The following MYRIP variants were observed in gnomAD, a reference collection of about 807,000 sequenced individuals.
The protein encoded by MYRIP is rab effector MyRIP.
Under a neutral mutation model 98.0 loss-of-function variants are expected in MYRIP, and 49 were observed. The ratio of observed to expected loss-of-function variants is 0.50; its 90% CI spans 0.40 to 0.63. MYRIP has a LOEUF of 0.63. Among genes scored for constraint, MYRIP ranks in the 30% least tolerant of loss-of-function variants. MYRIP has a pLI of 0.00. For synonymous variants in MYRIP, 404 were observed against 409.5 expected (o/e 0.99, Z 0.16); for missense variants, 1,004 against 1,058.2 (o/e 0.95, Z 0.71).
At chr3:40,111,357 C>T (rs1575545900) in intron 3 of MYRIP, among the ~76,000 whole-genome samples, 1 of 152,122 alleles carries the variant, frequency 6.6e-6, no homozygotes, top group Non-Finnish European at 1.5e-5. Flanking sequence ...GCTTGAAAAC[C>T]GTTTAGAATG....
intron 11 of MYRIP, among the ~76,000 whole-genome samples, chr3:40,228,365 G>A (rs541251284): frequency 3.3e-5 from 5 of 152,218 alleles, no homozygotes; most frequent in South Asian, 2.1e-4. Context: ...ACATGTTCCT[G>A]GTGCAAAGAT....
chr3:39,844,887 C>G (rs1164480344), intron 1 of MYRIP, among the ~76,000 whole-genome samples: 1 of 152,170 alleles, frequency 6.6e-6, no homozygotes, highest in Non-Finnish European at 1.5e-5. Context: ...GACAGAGCAG[C>G]TTATGCCTCA....
At chr3:39,986,257 G>A (rs1184237161) in intron 2 of MYRIP, among the ~76,000 whole-genome samples, 1 of 152,048 alleles carries the variant, frequency 6.6e-6, no homozygotes, top group Non-Finnish European at 1.5e-5. Flanking sequence ...GTCCCCAAAG[G>A]GCCAGCCTCA....
chr3:39,878,611 T>G (rs777742156), intron 1 of MYRIP, among the ~76,000 whole-genome samples: 1 of 152,112 alleles, frequency 6.6e-6, no homozygotes, highest in Non-Finnish European at 1.5e-5. Context: ...TGTATAGACA[T>G]GTACATATAT....
intron 10 of MYRIP, among the ~76,000 whole-genome samples, chr3:40,205,621 T>A (rs903256459): frequency 6.6e-6 from 1 of 152,162 alleles, no homozygotes. Context: ...AGTTTGCCCA[T>A]AAGGAATTTC....
chr3:39,988,964 G>A (rs891356431), intron 2 of MYRIP, among the ~76,000 whole-genome samples: 1 of 151,676 alleles, frequency 6.6e-6, no homozygotes, highest in Non-Finnish European at 1.5e-5. Flanking sequence ...GAACATGCTC[G>A]GTTAGCTCAG....
intron 2 of MYRIP, among the ~76,000 whole-genome samples, chr3:40,000,129 A>G (rs1946480822): frequency 6.6e-6 from 1 of 152,176 alleles, no homozygotes; most frequent in South Asian, 2.1e-4. Flanking sequence ...ATACCTATGT[A>G]ACAAACCTGC....
intron 3 of MYRIP, among the ~76,000 whole-genome samples, chr3:40,148,491 A>T (rs1003999048): frequency 6.6e-6 from 1 of 151,762 alleles, no homozygotes; most frequent in African/African-American, 2.4e-5. Flanking sequence ...TTGCCTTCTT[A>T]TTGTACATTC....
chr3:39,823,782 T>C (rs1003610427), intron 1 of MYRIP, among the ~76,000 whole-genome samples: 1 of 152,182 alleles, frequency 6.6e-6, no homozygotes, highest in African/African-American at 2.4e-5. Flanking sequence ...AAATATTTTT[T>C]TCTCATTCTG....
intron 3 of MYRIP, among the ~76,000 whole-genome samples, chr3:40,133,749 A>C (rs1304441751): frequency 1.3e-5 from 2 of 152,156 alleles, no homozygotes; most frequent in Admixed American, 1.3e-4. Flanking sequence ...GGGGGAAAAA[A>C]TGTATGTTTT....
intron 2 of MYRIP, among the ~76,000 whole-genome samples, chr3:40,036,324 A>AAAAAAAC (rs1553607293): frequency 0.03 from 3,675 of 124,354 alleles, 174 homozygotes; most frequent in Non-Finnish European, 0.039. Flanking sequence ...AAAAAAAAAA[A>AAAAAAAC]CTTTATTCAA....
Position 40,181,093 on chromosome 3 carries a change from T to A in MYRIP, c.874-1127T>A, listed in dbSNP as rs907056881. ...CATTTTTGCTGTCTTTCTTTCTTTG[T>A]TATTCTCTCATACCTTTTTTTTTTA... is the stretch of plus-strand genomic sequence containing the variant. On this transcript the variant is annotated intron_variant, in intron 8 of 16. Transcript: ENST00000302541. Among the ~76,000 whole-genome samples the A allele has an allele frequency of 2.6e-5, 4 of 152,328 alleles. No homozygotes were observed. In the East Asian group the frequency reaches 5.8e-4, roughly 22 times the overall value.
At chr3:40,089,345 C>G (rs1031072321) in intron 3 of MYRIP, among the ~76,000 whole-genome samples, 6 of 152,194 alleles carry the variant, frequency 3.9e-5, no homozygotes, top group Non-Finnish European at 8.8e-5. Context: ...TTTAAACTTT[C>G]AACTATCCAT....
intron 16 of MYRIP, among the ~76,000 whole-genome samples, chr3:40,254,456 ACAAT>A (rs1953504275): frequency 3.6e-5 from 5 of 139,746 alleles, no homozygotes; most frequent in African/African-American, 1.1e-4. Flanking sequence ...GGGCAGGAGA[ACAAT>A]CAGATATTCA....
intron 2 of MYRIP, among the ~76,000 whole-genome samples, chr3:39,928,629 C>A (rs1334563523): frequency 7.0e-6 from 1 of 143,450 alleles, no homozygotes; most frequent in African/African-American, 2.7e-5. Flanking sequence ...AAATTCAACA[C>A]ACATTCCTGA....
chr3:40,233,153 T>G (rs1479179020), intron 11 of MYRIP: 1 of 152,188 alleles, frequency 6.6e-6, no homozygotes, highest in Non-Finnish European at 1.5e-5. Flanking sequence ...ATCTAGAAAC[T>G]CCTCAGGCTT....
chr3:40,184,645 T>C (rs1305951438), intron 9 of MYRIP, among the ~76,000 whole-genome samples: 1 of 149,478 alleles, frequency 6.7e-6, no homozygotes, highest in African/African-American at 2.6e-5. Context: ...AAGTGATAAA[T>C]GTGTAGGATA....
chr3:40,095,132 G>A (rs151274121), intron 3 of MYRIP, among the ~76,000 whole-genome samples: 1 of 152,192 alleles, frequency 6.6e-6, no homozygotes, highest in African/African-American at 2.4e-5. Flanking sequence ...GGGAGGCAGG[G>A]GGACACTTTT....
At chr3:40,110,491 C>A (rs1168915275) in intron 3 of MYRIP, among the ~76,000 whole-genome samples, 1 of 152,286 alleles carries the variant, frequency 6.6e-6, no homozygotes, top group South Asian at 2.1e-4. Context: ...CTCAAAGATG[C>A]TCAAGACACT....
Sources: gnomAD v4.1 joint callset for allele counts (sites outside exome capture counted in the v4.1 genomes callset) on GRCh38, gnomAD v4.1.1 for gene constraint, MANE v1.5 for transcripts, NCBI Gene and HGNC (gene_info 2026-07-23, HGNC 2026-07-21) for gene names.